Variants in MIPOL1 observed in about 807,000 individuals in gnomAD.
The protein encoded by MIPOL1 is mirror-image polydactyly 1, also known as mirror-image polydactyly gene 1 protein.
MIPOL1 carries 57 observed loss-of-function variants against 60.9 expected under a neutral mutation model. The observed-to-expected ratio is 0.94, with a 90% CI of 0.76 to 1.17. MIPOL1 has a LOEUF of 1.17. Ranked by LOEUF, MIPOL1 falls within the 50% of genes most tolerant of loss-of-function variation. The pLI is 0.00. For missense variants in MIPOL1, 551 were observed against 511.6 expected (o/e 1.08, Z -0.74); for synonymous variants, 179 against 168.8 (o/e 1.06, Z -0.47).
chr14:37,320,045 T>G (rs1026457063), intron 9 of MIPOL1, among the ~76,000 whole-genome samples: 1 of 152,196 alleles, frequency 6.6e-6, no homozygotes, highest in African/African-American at 2.4e-5. Context: ...ATTTGCATAT[T>G]AAACATGTTA....
intron 12 of MIPOL1, among the ~76,000 whole-genome samples, chr14:37,537,059 A>G (rs890343418): frequency 1.9e-4 from 29 of 152,148 alleles, no homozygotes; most frequent in Non-Finnish European, 2.2e-4. Context: ...TTAAACTTAC[A>G]TAAAGCTCTA....
At chr14:37,289,802 A>G (rs1488165698) in intron 7 of MIPOL1, among the ~76,000 whole-genome samples, 1 of 152,152 alleles carries the variant, frequency 6.6e-6, no homozygotes, top group Non-Finnish European at 1.5e-5. Context: ...TTGAAGCTCA[A>G]AGTCACAACG....
intron 7 of MIPOL1, among the ~76,000 whole-genome samples, chr14:37,294,632 A>G (rs2085444227): frequency 6.6e-6 from 1 of 152,222 alleles, no homozygotes; most frequent in African/African-American, 2.4e-5. Context: ...TGGAGCTGAA[A>G]ACAATGGCAC....
intron 1 of MIPOL1, among the ~76,000 whole-genome samples, chr14:37,204,286 C>T (rs1171049281): frequency 6.6e-6 from 1 of 152,126 alleles, no homozygotes; most frequent in Non-Finnish European, 1.5e-5. Flanking sequence ...TTGTTTTAAG[C>T]TGTTGAATTT....
Position 37,407,842 on chromosome 14 carries a change from C to CTTTTTTTTTTTTTTTTTTTTTT in MIPOL1, c.937-15011_937-15010insTTTTTTTTTTTTTTTTTTTTTT, listed in dbSNP as rs5807951. 5.2e-5 allele frequency among the ~76,000 whole-genome samples: 3 copies of CTTTTTTTTTTTTTTTTTTTTTT among 58,062 alleles called. 1 individual carries two copies. The highest frequency in any genetic ancestry group is 9.1e-5 in the Non-Finnish European group (3 of 32,894). The allele number at this position is 58,062 out of a possible 152,430, so 38.1% of individuals were successfully genotyped here. A position where few individuals can be genotyped will look rare whatever the true frequency, so the allele number is the denominator to read the frequency against. On this transcript the variant is annotated intron_variant, in intron 10 of 12. Transcript: ENST00000684589. ...ATTTTTTCTTTTCTTTCTTCTTCTT[C>CTTTTTTTTTTTTTTTTTTTTTT]TTCTTTTTTTTTTTTTTTTTTTTTG...
intron 1 of MIPOL1, among the ~76,000 whole-genome samples, chr14:37,200,270 TC>T (rs1965019645): frequency 6.6e-6 from 1 of 152,262 alleles, no homozygotes; most frequent in Non-Finnish European, 1.5e-5. Flanking sequence ...TCTGTTTTTT[TC>T]CTCTTTACTT....
chr14:37,317,164 G>A (rs1274734895), intron 9 of MIPOL1, among the ~76,000 whole-genome samples: 2 of 152,136 alleles, frequency 1.3e-5, no homozygotes, highest in South Asian at 4.1e-4. Flanking sequence ...CTGGCAAGTT[G>A]ATAAATTTAG....
At position 37,356,796 on chromosome 14, in the gene MIPOL1, C is replaced by T. The variant is rs1294683973; in HGVS notation, c.829-12721C>T. ...CACGGTGCGCGAACCCACTGACCTG[C>T]GCCCACTGTCTGGCAGTCCCTAGTG... On this transcript the variant is annotated intron_variant, in intron 9 of 12. Coordinates refer to ENST00000684589, the MANE Select transcript of MIPOL1 (RefSeq NM_001388067.1). Among the ~76,000 whole-genome samples the T allele has an allele frequency of 9.2e-5, 14 of 152,268 alleles. No individual in the cohort carries two copies. The South Asian group carries it at 1.5e-3, about 16-fold the overall frequency.
At chr14:37,415,672 A>G (rs2093756239) in intron 10 of MIPOL1, among the ~76,000 whole-genome samples, 1 of 151,898 alleles carries the variant, frequency 6.6e-6, no homozygotes, top group African/African-American at 2.4e-5. Flanking sequence ...AAAGCACCAA[A>G]TTTTGTCTAG....
chr14:37,508,030 T>TC (rs2095295008), intron 12 of MIPOL1, among the ~76,000 whole-genome samples: 2 of 152,196 alleles, frequency 1.3e-5, no homozygotes, highest in Non-Finnish European at 2.9e-5. Flanking sequence ...TGGCAAAATG[T>TC]ATCTTCATGA....
At chr14:37,331,076 T>C (rs1206144220) in intron 9 of MIPOL1, among the ~76,000 whole-genome samples, 1 of 152,166 alleles carries the variant, frequency 6.6e-6, no homozygotes, top group East Asian at 1.9e-4. Flanking sequence ...TTTTAGTCTA[T>C]CCTGTGGTTC....
intron 1 of MIPOL1, among the ~76,000 whole-genome samples, chr14:37,202,282 A>G (rs1315912128): frequency 1.3e-5 from 2 of 152,138 alleles, no homozygotes; most frequent in African/African-American, 2.4e-5. Flanking sequence ...ATTGTTATGC[A>G]GATAGATTTA....
chr14:37,493,967 A>G (rs2095082025), intron 11 of MIPOL1, among the ~76,000 whole-genome samples: 2 of 152,202 alleles, frequency 1.3e-5, no homozygotes, highest in African/African-American at 4.8e-5. Context: ...GAAAATTAGT[A>G]ACTTTGGAAA....
At chr14:37,375,767 T>C (rs140428643) in intron 10 of MIPOL1, among the ~76,000 whole-genome samples, 93 of 151,972 alleles carry the variant, frequency 6.1e-4, no homozygotes, top group African/African-American at 2.1e-3. Context: ...TTTCTTTTCT[T>C]TCTTTCTTTC....
At chr14:37,201,233 G>A (rs1055835947) in intron 1 of MIPOL1, among the ~76,000 whole-genome samples, 1 of 152,054 alleles carries the variant, frequency 6.6e-6, no homozygotes, top group Non-Finnish European at 1.5e-5. Flanking sequence ...GTGTTATAGT[G>A]TTTTGGTGTT....
chr14:37,517,860 A>G (rs1321362390), intron 12 of MIPOL1, among the ~76,000 whole-genome samples: 1 of 152,194 alleles, frequency 6.6e-6, no homozygotes, highest in South Asian at 2.1e-4. Context: ...TTGGAAGTAT[A>G]TGGGAAAGAG....
At chr14:37,471,147 G>A (rs1487407920) in intron 11 of MIPOL1, among the ~76,000 whole-genome samples, 1 of 151,966 alleles carries the variant, frequency 6.6e-6, no homozygotes, top group East Asian at 1.9e-4. Flanking sequence ...GAACACTTGG[G>A]GACAGAGAAG....
At chr14:37,273,339 T>C (rs2083429339) in intron 6 of MIPOL1, among the ~76,000 whole-genome samples, 2 of 150,798 alleles carry the variant, frequency 1.3e-5, no homozygotes, top group Non-Finnish European at 3.0e-5. Context: ...AGCATAGATT[T>C]AGTGTTAAAA....
chr14:37,239,048 ATT>A (rs569559063), intron 1 of MIPOL1, among the ~76,000 whole-genome samples: 18 of 134,106 alleles, frequency 1.3e-4, no homozygotes, highest in Non-Finnish European at 9.5e-5. Flanking sequence ...ACATTGCTTA[ATT>A]TTTTTTTTTT....
Sources: gnomAD v4.1 joint callset for allele counts (sites outside exome capture counted in the v4.1 genomes callset) on GRCh38, gnomAD v4.1.1 for gene constraint, MANE v1.5 for transcripts, NCBI Gene and HGNC (gene_info 2026-07-23, HGNC 2026-07-21) for gene names.